Variants in M1AP observed in about 807,000 individuals in gnomAD.
M1AP encodes meiosis 1 arrest protein.
M1AP carries 39 observed loss-of-function variants against 51.2 expected under a neutral mutation model. The ratio of observed to expected loss-of-function variants is 0.76; its 90% CI spans 0.59 to 1.00. M1AP has a LOEUF of 1.00. Among genes scored for constraint, M1AP ranks in the 50% least tolerant of loss-of-function variants. The probability of loss-of-function intolerance (pLI) is 0.00; values close to 1 mark genes in which losing one functional copy is unlikely to be tolerated. For missense variants in M1AP, 545 were observed against 641.2 expected, an observed-to-expected ratio of 0.85 and a Z score of 1.62; for synonymous variants, 251 against 249.2, an observed-to-expected ratio of 1.01 and a Z score of -0.07.
At chr2:74,637,182 A>G (rs1683033328) in intron 2 of M1AP, among the ~76,000 whole-genome samples, 1 of 152,130 alleles carries the variant, frequency 6.6e-6, no homozygotes, top group South Asian at 2.1e-4. Flanking sequence ...TTCTATTCCT[A>G]TGTCTTCATG....
chr2:74,646,934 C>T (rs1683647314), intron 1 of M1AP, among the ~76,000 whole-genome samples: 1 of 152,184 alleles, frequency 6.6e-6, no homozygotes, highest in Non-Finnish European at 1.5e-5. Context: ...AGGCAGCTCT[C>T]TTCCTTACAT....
intron 3 of M1AP, among the ~76,000 whole-genome samples, chr2:74,614,304 T>A (rs778028291): frequency 2.0e-5 from 3 of 152,188 alleles, no homozygotes; most frequent in Non-Finnish European, 4.4e-5. Flanking sequence ...TTTGTTAAGC[T>A]TTTTACTAGT....
intron 5 of M1AP, among the ~76,000 whole-genome samples, chr2:74,578,540 T>G (rs183658333): frequency 6.3e-4 from 96 of 152,048 alleles, no homozygotes; most frequent in African/African-American, 2.3e-3. Context: ...CTCAGCAGAG[T>G]GTCCCAAAGC....
intron 4 of M1AP, among the ~76,000 whole-genome samples, chr2:74,603,769 T>C (rs972386898): frequency 6.6e-6 from 1 of 152,088 alleles, no homozygotes; most frequent in Non-Finnish European, 1.5e-5. Context: ...TGCATGATGG[T>C]GGAAGGATCC....
intron 7 of M1AP, among the ~76,000 whole-genome samples, chr2:74,562,717 C>G (rs1678109962): frequency 2.0e-5 from 3 of 152,094 alleles, no homozygotes; most frequent in Admixed American, 2.0e-4. Context: ...AGGGGCCTAC[C>G]ACATTCAGCA....
intron 7 of M1AP, among the ~76,000 whole-genome samples, chr2:74,564,276 T>A (rs999261570): frequency 6.6e-6 from 1 of 152,158 alleles, no homozygotes; most frequent in Non-Finnish European, 1.5e-5. Context: ...TAAAGCAGTG[T>A]CATCATTCTG....
intron 1 of M1AP, 105 bp from the exon 2 acceptor site, chr2:74,640,432 A>T: frequency 1.1e-6 from 1 of 912,564 alleles, no homozygotes; most frequent in Non-Finnish European, 1.6e-6. Flanking sequence ...AAGGAGTCAG[A>T]TTGGGTACTA....
At chr2:74,582,581 T>C (rs909231492) in intron 4 of M1AP, among the ~76,000 whole-genome samples, 3 of 152,352 alleles carry the variant, frequency 2.0e-5, no homozygotes, top group Middle Eastern at 3.4e-3. Flanking sequence ...GTAAATGCAT[T>C]TTACAAAGCT....
At chr2:74,648,140 A>C in intron 1 of M1AP, 125 bp downstream of exon 1, 1 of 971,802 alleles carries the variant, frequency 1.0e-6, no homozygotes. Flanking sequence ...GGCACCCGCC[A>C]CGGCCAGCGC....
intron 3 of M1AP, among the ~76,000 whole-genome samples, chr2:74,613,928 A>G (rs1681516011): frequency 6.6e-6 from 1 of 152,206 alleles, no homozygotes. Flanking sequence ...AGCTAGGACT[A>G]TAGGTGCACA....
chr2:74,574,126 G>A (rs912541613), intron 7 of M1AP, among the ~76,000 whole-genome samples: 2 of 152,234 alleles, frequency 1.3e-5, no homozygotes, highest in Non-Finnish European at 2.9e-5. Flanking sequence ...GTCTGCTTCT[G>A]ATAGTGAAAG....
intron 4 of M1AP, among the ~76,000 whole-genome samples, chr2:74,595,538 G>T (rs1680281194): frequency 6.6e-6 from 1 of 152,090 alleles, no homozygotes; most frequent in East Asian, 1.9e-4. Context: ...TTTTTGTAGA[G>T]ATGGGGTTTC....
chr2:74,605,768 G>A (rs1558675671), intron 4 of M1AP, among the ~76,000 whole-genome samples: 1 of 152,028 alleles, frequency 6.6e-6, no homozygotes, highest in African/African-American at 2.4e-5. Flanking sequence ...GGGCTTGGTG[G>A]CGGGTGCCTG....
At chr2:74,560,319 T>C in intron 8 of M1AP, 28 bp from the exon 9 acceptor site, 2 of 1,553,762 alleles carry the variant, frequency 1.3e-6, no homozygotes, top group Non-Finnish European at 1.7e-6. Flanking sequence ...GGGGCCTCAC[T>C]AGGGAACTTA....
chr2:74,558,846 C>G lies in M1AP; in HGVS notation c.1463G>C (p.Arg488Pro). 6.2e-7 allele frequency: 1 copy of G among 1,600,442 alleles called. No individual in the cohort carries two copies. The highest frequency in any genetic ancestry group is 8.5e-7 in the Non-Finnish European group (1 of 1,174,772). The change falls in exon 11 of 11, where the codon CGA becomes CCA. Residue 488 changes from arginine to proline, a missense_variant. Transcript: ENST00000421985. ...KTGQLQTNRA[R>P]ATVAPLPMTP... ...CATAGGCAGGGGGGCCACAGTAGCT[C>G]GAGCTCGGTTGGTCTGCAACTGCCC...
intron 4 of M1AP, among the ~76,000 whole-genome samples, chr2:74,598,759 T>A (rs1383906293): frequency 6.6e-6 from 1 of 151,754 alleles, no homozygotes; most frequent in African/African-American, 2.4e-5. Context: ...TAGCTGGGAC[T>A]GCAGGTGCAT....
At chr2:74,587,229 C>T (rs1232243749) in intron 4 of M1AP, among the ~76,000 whole-genome samples, 2 of 150,052 alleles carry the variant, frequency 1.3e-5, no homozygotes, top group Admixed American at 6.7e-5. Context: ...GACGGAGTCT[C>T]GCTCTGTCCC....
chr2:74,578,313 T>C (rs753705384), intron 5 of M1AP, among the ~76,000 whole-genome samples: 8 of 152,160 alleles, frequency 5.3e-5, no homozygotes, highest in Non-Finnish European at 1.0e-4. Flanking sequence ...AATGTGCAGG[T>C]TTGTTACATA....
Position 74,559,709 on chromosome 2 carries a change from G to C in M1AP, c.1423C>G (p.His475Asp), listed in dbSNP as rs1371882876. 2 of 718,510 alleles carry C rather than the reference G, an allele frequency of 2.8e-6. No homozygotes were observed. Among genetic ancestry groups the C allele is most frequent in the Admixed American group, 4.0e-5 (2 of 50,010 alleles). 44.5% of individuals were successfully genotyped at this position (718,510 alleles called of 1,614,324 possible). ...PHWESRAPRK[H>D]PCKTGQLQTN... Reference sequence around the variant, plus strand: ...GAGCAAACACTTACCTTGCAGGGATGCTGTGAGGATTAAATGAGAAAAACA... The same window carrying C: ...GAGCAAACACTTACCTTGCAGGGATCCTGTGAGGATTAAATGAGAAAAACA... The change falls in exon 10 of 11, where the codon CAT becomes GAT. Residue 475 changes from histidine to aspartate, a missense_variant and splice_region_variant. His to Asp is a moderately conservative substitution (Grantham distance 81, BLOSUM62 -1). Coordinates refer to ENST00000421985, the MANE Select transcript of M1AP (RefSeq NM_001321739.2).
Sources: allele counts gnomAD v4.1 joint callset (sites outside exome capture counted in the v4.1 genomes callset), GRCh38; gene constraint gnomAD v4.1.1; transcripts MANE v1.5; gene names NCBI Gene and HGNC (gene_info 2026-07-23, HGNC 2026-07-21).